Variants in RIBC2 observed in about 807,000 individuals in gnomAD.
The protein encoded by RIBC2 is RIB43A domain with coiled-coils 2.
RIBC2 carries 40 observed loss-of-function variants against 44.3 expected under a neutral mutation model. The ratio of observed to expected loss-of-function variants is 0.90; its 90% CI spans 0.70 to 1.18. The LOEUF is 1.18. Ranked by LOEUF, RIBC2 falls within the 50% of genes most tolerant of loss-of-function variation. The pLI is 0.00. For synonymous variants in RIBC2, 171 were observed against 175.0 expected, an observed-to-expected ratio of 0.98 and a Z score of 0.18; for missense variants, 459 against 485.5, an observed-to-expected ratio of 0.95 and a Z score of 0.51.
At position 45,414,317 on chromosome 22, in the gene RIBC2, T is replaced by A. The variant is rs1247091209; in HGVS notation, c.130-5T>A. ...AACCCTTCTCCTCTGTTTTTCCATT[T>A]ATAGGGAGACACTGAAGCCTGGGAT... On this transcript the variant is annotated splice_region_variant and splice_polypyrimidine_tract_variant and intron_variant, in intron 1 of 6. Transcript: ENST00000614167. The A allele has an allele frequency of 6.5e-7, 1 of 1,548,702 alleles. No individual in the cohort carries two copies. The highest frequency in any genetic ancestry group is 2.4e-5 in the East Asian group (1 of 40,900).
intron 3 of RIBC2, among the ~76,000 whole-genome samples, chr22:45,421,716 G>A (rs2087487046): frequency 6.6e-6 from 1 of 151,670 alleles, no homozygotes; most frequent in Non-Finnish European, 1.5e-5. Context: ...GAAATGTCTG[G>A]GCTGGGATGT....
chr22:45,422,453 A>C, intron 4 of RIBC2, 45 bp downstream of exon 4: 1 of 1,359,160 alleles, frequency 7.4e-7, no homozygotes, highest in South Asian at 1.2e-5. Flanking sequence ...GGAGGGGAGG[A>C]TGAGCCCACT....
At chr22:45,420,904 A>G (rs1161368884) in intron 3 of RIBC2, among the ~76,000 whole-genome samples, 1 of 152,068 alleles carries the variant, frequency 6.6e-6, no homozygotes, top group Non-Finnish European at 1.5e-5. Flanking sequence ...CTTTTAAACA[A>G]TGTGGAGTTT....
Position 45,432,412 on chromosome 22 carries a change from T to C in RIBC2, c.*50T>C. 1 of 1,232,136 alleles carries C rather than the reference T, an allele frequency of 8.1e-7. No individual in the cohort carries two copies. Among genetic ancestry groups the C allele is most frequent in the Non-Finnish European group, 1.2e-6 (1 of 850,996 alleles). 76.3% of individuals were successfully genotyped at this position (1,232,136 alleles called of 1,614,324 possible). ...CATTCACGTATAAAGAGTGGCTACC[T>C]TAAAGAGTCACGTTTCTTTTTTAAA... On this transcript the variant is annotated 3_prime_UTR_variant, in exon 7 of 7. Coordinates refer to ENST00000614167, the MANE Select transcript of RIBC2 (RefSeq NM_015653.5).
chr22:45,416,571 C>G (rs2087427012), intron 2 of RIBC2, among the ~76,000 whole-genome samples: 1 of 151,744 alleles, frequency 6.6e-6, no homozygotes, highest in African/African-American at 2.4e-5. Context: ...AAGCGATTCT[C>G]CTGCCTCAGC....
At position 45,422,312 on chromosome 22, in the gene RIBC2, G is replaced by C. The variant is rs763441845; in HGVS notation, c.579G>C (p.Arg193Ser). The change falls in exon 4 of 7, where the codon AGG becomes AGC. Residue 193 changes from arginine (R) to serine (S), a missense_variant. By Grantham distance (110) the Arg-to-Ser change is moderately radical. Transcript: ENST00000614167. The stretch of plus-strand genomic sequence containing the variant: ...CAGAGGCCCTCTACACAGAGACAAG[G>C]CTGCAGTTTGACGAGACAGCCAAGC... ...KCAEALYTET[R>S]LQFDETAKHL... 1 of 1,614,154 alleles carries C rather than the reference G, an allele frequency of 6.2e-7. No homozygotes were observed. The highest frequency in any genetic ancestry group is 1.1e-5 in the South Asian group (1 of 91,084).
At chr22:45,419,471 T>C (rs1253300968) in intron 3 of RIBC2, among the ~76,000 whole-genome samples, 1 of 152,124 alleles carries the variant, frequency 6.6e-6, no homozygotes, top group Non-Finnish European at 1.5e-5. Context: ...CAGTGGCTCA[T>C]GCCTGTAATC....
chr22:45,415,911 G>A (rs1278199622), intron 2 of RIBC2, among the ~76,000 whole-genome samples: 1 of 152,154 alleles, frequency 6.6e-6, no homozygotes, highest in Non-Finnish European at 1.5e-5. Context: ...TGTTGGCCAG[G>A]CTGGTCTCGA....
intron 2 of RIBC2, among the ~76,000 whole-genome samples, chr22:45,415,588 GT>G (rs968433371): frequency 3.0e-5 from 4 of 131,990 alleles, no homozygotes; most frequent in African/African-American, 1.3e-4. Context: ...TGAGAATTGT[GT>G]TTTTTATATA....
intron 3 of RIBC2, among the ~76,000 whole-genome samples, chr22:45,421,580 T>A (rs1464043850): frequency 4.0e-4 from 11 of 27,766 alleles, no homozygotes; most frequent in Non-Finnish European, 5.0e-4. Flanking sequence ...AATAGTATTA[T>A]TAATAATAAT....
rs773487794 is a variant in RIBC2, at chr22:45,426,179, A to C, written c.903+4A>C. 2.5e-6 allele frequency: 4 copies of C among 1,610,158 alleles called. No individual in the cohort carries two copies. The highest frequency in any genetic ancestry group is 1.3e-5 in the African/African-American group (1 of 74,892). ...GCAGCAAATCCAGGAGAAGCTGGTG[A>C]CTGCCCCGCCCCTTTTTCCAGAGCC... is the stretch of plus-strand genomic sequence containing the variant. On this transcript the variant is annotated splice_donor_region_variant and intron_variant, in intron 5 of 6. Transcript: ENST00000614167.
At chr22:45,424,804 A>AGTGT (rs928170167) in intron 4 of RIBC2, among the ~76,000 whole-genome samples, 1 of 130,602 alleles carries the variant, frequency 7.7e-6, no homozygotes, top group Non-Finnish European at 1.5e-5. Flanking sequence ...CCCAGCCTGG[A>AGTGT]GTGTGTAGTG....
At chr22:45,416,080 A>C (rs995056014) in intron 2 of RIBC2, among the ~76,000 whole-genome samples, 2 of 152,208 alleles carry the variant, frequency 1.3e-5, no homozygotes, top group Non-Finnish European at 2.9e-5. Flanking sequence ...TTTAAAATTT[A>C]TGTAAATGGT....
In RIBC2 at chr22:45,421,574, G is replaced by C. The variant is rs62226841; in HGVS notation, c.557-716G>C. 2.7e-3 allele frequency among the ~76,000 whole-genome samples: 183 copies of C among 68,562 alleles called. 2 individuals are homozygous for C. The Middle Eastern group carries it at 0.03, about 11-fold the overall frequency. The allele number at this position is 68,562 out of a possible 152,430, so 45.0% of individuals were successfully genotyped here. On this transcript the variant is annotated intron_variant, in intron 3 of 6. Coordinates refer to ENST00000614167, the MANE Select transcript of RIBC2 (RefSeq NM_015653.5). The stretch of plus-strand genomic sequence containing the variant: ...AATAATAATAGTATTATTAATAATA[G>C]TATTATTAATAATAATAATAGTATT...
In RIBC2 at chr22:45,413,747, G is replaced by A; in HGVS notation, c.-140G>A. 1.6e-6 allele frequency: 2 copies of A among 1,280,474 alleles called. No individual in the cohort carries two copies. The highest frequency in any genetic ancestry group is 1.9e-4 in the Middle Eastern group (1 of 5,208). The allele number at this position is 1,280,474 out of a possible 1,614,324, so 79.3% of individuals were successfully genotyped here. ...GTCTGTACCTCTGCGGCGTCACTGG[G>A]AGCCCGACGGAAAACTGCGCTAAAG... is the stretch of plus-strand genomic sequence containing the variant. On this transcript the variant is annotated 5_prime_UTR_variant, in exon 1 of 7. Coordinates refer to ENST00000614167, the MANE Select transcript of RIBC2 (RefSeq NM_015653.5).
chr22:45,430,832 C>T, intron 5 of RIBC2, 68 bp from the exon 6 acceptor site: 1 of 1,454,940 alleles, frequency 6.9e-7, no homozygotes. Flanking sequence ...GCCAGGCCTC[C>T]TAGATAATCC....
chr22:45,430,062 G>A lies in RIBC2; in HGVS notation c.904-838G>A, dbSNP rs149460004. The stretch of plus-strand genomic sequence containing the variant: ...TGATGACCCTGGGCTCCTGAGAGCA[G>A]CCTGGCTTTACAGCGGGGGACACTG... On this transcript the variant is annotated intron_variant, in intron 5 of 6. Coordinates refer to ENST00000614167, the MANE Select transcript of RIBC2 (RefSeq NM_015653.5). Among the ~76,000 whole-genome samples the A allele has an allele frequency of 4.6e-5, 7 of 152,296 alleles. No individual in the cohort carries two copies. The East Asian group carries it at 1.4e-3, about 29-fold the overall frequency.
Position 45,426,094 on chromosome 22 carries a change from C to T in RIBC2, c.822C>T (p.Val274=), listed in dbSNP as rs758763613. The part of the protein sequence containing the change: ...AASSFGPHRV[V]PDRWKGMTQE... Reference sequence around the variant, plus strand: ...GCTCCTTCGGGCCCCACCGCGTGGTCCCTGACCGCTGGAAGGGCATGACCC... The same window carrying T: ...GCTCCTTCGGGCCCCACCGCGTGGTTCCTGACCGCTGGAAGGGCATGACCC... The change falls in exon 5 of 7, where the codon GTC becomes GTT. Residue 274 remains valine, a synonymous_variant. Coordinates refer to ENST00000614167, the MANE Select transcript of RIBC2 (RefSeq NM_015653.5). 1.9e-6 allele frequency: 3 copies of T among 1,613,910 alleles called. No individual in the cohort carries two copies. Among genetic ancestry groups the T allele is most frequent in the South Asian group, 1.1e-5 (1 of 91,056 alleles).
chr22:45,430,004 T>C (rs1339041671), intron 5 of RIBC2, among the ~76,000 whole-genome samples: 1 of 152,144 alleles, frequency 6.6e-6, no homozygotes, highest in African/African-American at 2.4e-5. Context: ...GTGTGTCCCA[T>C]GCCATTCCCT....
Sources: gnomAD v4.1 joint callset for allele counts (sites outside exome capture counted in the v4.1 genomes callset) on GRCh38, gnomAD v4.1.1 for gene constraint, MANE v1.5 for transcripts, NCBI Gene and HGNC (gene_info 2026-07-23, HGNC 2026-07-21) for gene names.